The following CRIM1 variants were observed in gnomAD, a reference collection of about 807,000 sequenced individuals.
CRIM1 encodes the protein cysteine-rich motor neuron 1 protein.
CRIM1 carries 32 observed loss-of-function variants against 116.4 expected under a neutral mutation model. The ratio of observed to expected loss-of-function variants is 0.27; its 90% CI spans 0.21 to 0.37. The LOEUF (loss-of-function observed/expected upper bound fraction) is 0.37, where lower values mean the gene tolerates loss of function less well. Ranked by LOEUF, CRIM1 falls within the 10% of genes least tolerant of loss-of-function variation. CRIM1 has a pLI of 1.00. For missense variants in CRIM1, 1,331 were observed against 1,354.8 expected, an observed-to-expected ratio of 0.98 and a Z score of 0.28; for synonymous variants, 590 against 509.2, an observed-to-expected ratio of 1.16 and a Z score of -2.13.
chr2:36,444,844 A>G (rs1212786970), intron 4 of CRIM1, among the ~76,000 whole-genome samples: 2 of 152,166 alleles, frequency 1.3e-5, no homozygotes, highest in Non-Finnish European at 2.9e-5. Context: ...ACATATAGGC[A>G]GCTTCTACCT....
At chr2:36,447,986 C>T (rs1326175717) in intron 4 of CRIM1, among the ~76,000 whole-genome samples, 1 of 152,180 alleles carries the variant, frequency 6.6e-6, no homozygotes, top group African/African-American at 2.4e-5. Context: ...TGCCATTTGG[C>T]AGTCCACCCA....
intron 1 of CRIM1, among the ~76,000 whole-genome samples, chr2:36,389,907 A>G (rs895841261): frequency 1.1e-4 from 16 of 152,270 alleles, no homozygotes; most frequent in African/African-American, 3.4e-4. Flanking sequence ...ACAGGGGGCT[A>G]TATCTGCTGG....
intron 1 of CRIM1, among the ~76,000 whole-genome samples, chr2:36,364,465 A>T (rs1447049663): frequency 6.6e-6 from 1 of 152,224 alleles, no homozygotes. Flanking sequence ...AAGCCATGAG[A>T]TAACGGAAAT....
intron 5 of CRIM1, among the ~76,000 whole-genome samples, chr2:36,466,576 T>A (rs1038960614): frequency 6.6e-6 from 1 of 152,218 alleles, no homozygotes; most frequent in Admixed American, 6.5e-5. Flanking sequence ...TGGAAAAGAC[T>A]TAACGCTCAT....
chr2:36,503,433 C>CTT (rs10673695), intron 8 of CRIM1, among the ~76,000 whole-genome samples: 41,387 of 152,096 alleles, frequency 0.27, 5,992 homozygotes, highest in South Asian at 0.44. Flanking sequence ...AAAGCTAACT[C>CTT]TGGCTGGCAT....
intron 1 of CRIM1, among the ~76,000 whole-genome samples, chr2:36,370,143 G>A (rs1410691514): frequency 6.6e-6 from 1 of 151,816 alleles, no homozygotes. Context: ...ATCTATAAGT[G>A]GGCAAGTAGA....
intron 2 of CRIM1, among the ~76,000 whole-genome samples, chr2:36,426,787 C>T (rs1255228698): frequency 6.6e-6 from 1 of 152,160 alleles, no homozygotes; most frequent in Non-Finnish European, 1.5e-5. Context: ...TAGTGCTTTC[C>T]CTATTCCAGA....
intron 4 of CRIM1, among the ~76,000 whole-genome samples, chr2:36,459,869 C>T: frequency 6.6e-6 from 1 of 152,080 alleles, no homozygotes; most frequent in East Asian, 1.9e-4. Flanking sequence ...CTTAGGAGCA[C>T]CTTGCAAGCT....
Position 36,434,135 on chromosome 2 carries a change from C to G in CRIM1, c.506-7123C>G, listed in dbSNP as rs528458280. Among the ~76,000 whole-genome samples, 6 of 152,202 alleles carry G rather than the reference C, an allele frequency of 3.9e-5. No individual in the cohort carries two copies. The South Asian group carries it at 1.2e-3, about 32-fold the overall frequency. On this transcript the variant is annotated intron_variant, in intron 2 of 16. Transcript: ENST00000280527. ...AGTGTAACTTTAAAGGAGTCAGTCT[C>G]TAAATTTAAAAACTTAGGGATGACA... is the stretch of plus-strand genomic sequence containing the variant.
At chr2:36,444,642 C>T (rs1218742260) in intron 4 of CRIM1, among the ~76,000 whole-genome samples, 1 of 151,852 alleles carries the variant, frequency 6.6e-6, no homozygotes, top group Non-Finnish European at 1.5e-5. Context: ...CATTCAACAT[C>T]CCACTGTAAA....
chr2:36,389,206 G>A (rs930206054), intron 1 of CRIM1, among the ~76,000 whole-genome samples: 3 of 152,200 alleles, frequency 2.0e-5, no homozygotes, highest in Non-Finnish European at 2.9e-5. Flanking sequence ...TGCGGCACAA[G>A]GAAGAGAAAG....
Position 36,356,693 on chromosome 2 carries a change from C to G in CRIM1, c.331+70C>G. 1 of 1,469,568 alleles carries G rather than the reference C, an allele frequency of 6.8e-7. No homozygotes were observed. Among genetic ancestry groups the G allele is most frequent in the Non-Finnish European group, 9.2e-7 (1 of 1,092,190 alleles). 91.0% of individuals were successfully genotyped at this position (1,469,568 alleles called of 1,614,324 possible). ...CCCCCTCGGCGCTGGTTGTGCCGAA[C>G]AAAGTTTGGGCGAGACTTTCTGGAG... On this transcript the variant is annotated intron_variant, in intron 1 of 16. Coordinates refer to ENST00000280527, the MANE Select transcript of CRIM1 (RefSeq NM_016441.3). This position sits in a 1 kb window ranked among gnomAD's most constrained non-coding sequence, Gnocchi z 4.3.
At chr2:36,534,005 G>T (rs1172781043) in intron 13 of CRIM1, among the ~76,000 whole-genome samples, 5 of 142,816 alleles carry the variant, frequency 3.5e-5, no homozygotes, top group African/African-American at 5.3e-5. Flanking sequence ...AAGGAAGGAA[G>T]GAAAGGAGGG....
chr2:36,473,802 C>T (rs1357771302), intron 5 of CRIM1, among the ~76,000 whole-genome samples: 3 of 152,072 alleles, frequency 2.0e-5, no homozygotes, highest in Non-Finnish European at 4.4e-5. Context: ...TCTTTCTTGG[C>T]TCTTGGGCTG....
At chr2:36,508,013 C>T (rs961470738) in intron 8 of CRIM1, among the ~76,000 whole-genome samples, 1 of 152,196 alleles carries the variant, frequency 6.6e-6, no homozygotes, top group Non-Finnish European at 1.5e-5. Flanking sequence ...AATGGGTTCA[C>T]AATTGACATC....
rs960293610 is a variant in CRIM1 at position 36,395,037 on chromosome 2, C to T, written c.332-1577C>T. Among the ~76,000 whole-genome samples the T allele has an allele frequency of 4.4e-4, 42 of 94,488 alleles. 1 individual carries two copies. In the South Asian group the frequency reaches 5.5e-3, roughly 12 times the overall value. The allele number at this position is 94,488 out of a possible 152,430, so 62.0% of individuals were successfully genotyped here. ...TTTTTTTTTTTTTTTTTTTTTGAGG[C>T]GGAGTTTCACTTTGTTGCCCAGGCT... On this transcript the variant is annotated intron_variant, in intron 1 of 16. Coordinates refer to ENST00000280527, the MANE Select transcript of CRIM1 (RefSeq NM_016441.3).
At chr2:36,455,339 TC>T (rs1677052714) in intron 4 of CRIM1, among the ~76,000 whole-genome samples, 1 of 152,220 alleles carries the variant, frequency 6.6e-6, no homozygotes, top group Non-Finnish European at 1.5e-5. Context: ...GCTTCTGTGT[TC>T]CAGGCACTAT....
intron 4 of CRIM1, among the ~76,000 whole-genome samples, chr2:36,454,052 G>GT (rs1023870105): frequency 2.6e-5 from 4 of 152,260 alleles, no homozygotes; most frequent in African/African-American, 9.6e-5. Flanking sequence ...TGTTTAAGGT[G>GT]TTTTGTTACT....
Position 36,395,243 on chromosome 2 carries a change from C to G in CRIM1, c.332-1371C>G, listed in dbSNP as rs192938517. Reference sequence around the variant, plus strand: ...TTGGCCAGGCTGATGGCCAGGTGATCTGCCTGTCTTGGCCTCCCAAAACGC... The same window carrying G: ...TTGGCCAGGCTGATGGCCAGGTGATGTGCCTGTCTTGGCCTCCCAAAACGC... On this transcript the variant is annotated intron_variant, in intron 1 of 16. Coordinates refer to ENST00000280527, the MANE Select transcript of CRIM1 (RefSeq NM_016441.3). Among the ~76,000 whole-genome samples the G allele has an allele frequency of 3.0e-3, 464 of 152,212 alleles. 14 individuals are homozygous for G. Among genetic ancestry groups the G allele is most frequent in the Admixed American group, 0.024 (372 of 15,296 alleles).
Sources: gnomAD v4.1 joint callset for allele counts (sites outside exome capture counted in the v4.1 genomes callset) on GRCh38, gnomAD v4.1.1 for gene constraint, Gnocchi (gnomAD v3.1) non-coding constraint, MANE v1.5 for transcripts, NCBI Gene and HGNC (gene_info 2026-07-23, HGNC 2026-07-21) for gene names.